The following SLCO5A1 variants were observed in gnomAD, a reference collection of about 807,000 sequenced individuals.
SLCO5A1 encodes solute carrier organic anion transporter family member 5A1, also known as organic anion transporter polypeptide-related protein 4.
SLCO5A1 carries 39 observed loss-of-function variants against 65.1 expected under a neutral mutation model. The ratio of observed to expected loss-of-function variants is 0.60; its 90% CI spans 0.46 to 0.78. The LOEUF (loss-of-function observed/expected upper bound fraction) is 0.78. Among genes scored for constraint, SLCO5A1 ranks in the 30% least tolerant of loss-of-function variants. The pLI is 0.00. For missense variants in SLCO5A1, 1,029 were observed against 1,069.4 expected, an observed-to-expected ratio of 0.96 and a Z score of 0.53; for synonymous variants, 438 against 415.7, an observed-to-expected ratio of 1.05 and a Z score of -0.65.
chr8:69,714,905 T>C (rs892639630), intron 5 of SLCO5A1: 14 of 152,194 alleles, frequency 9.2e-5, no homozygotes, highest in Non-Finnish European at 1.6e-4. Flanking sequence ...ATTCAAGGTC[T>C]GGGGATCACT....
intron 5 of SLCO5A1, among the ~76,000 whole-genome samples, chr8:69,712,925 A>G (rs1815339869): frequency 6.6e-6 from 1 of 152,216 alleles, no homozygotes; most frequent in Non-Finnish European, 1.5e-5. Context: ...CATTTTACAA[A>G]TAGATAATCT....
chr8:69,715,988 C>T (rs1815508750), intron 5 of SLCO5A1, among the ~76,000 whole-genome samples: 1 of 152,126 alleles, frequency 6.6e-6, no homozygotes, highest in South Asian at 2.1e-4. Flanking sequence ...CCCTCCCTTG[C>T]CCCGCACTGC....
chr8:69,723,262 T>C (rs542673336), intron 5 of SLCO5A1, among the ~76,000 whole-genome samples: 1 of 152,278 alleles, frequency 6.6e-6, no homozygotes, highest in African/African-American at 2.4e-5. Flanking sequence ...TTATTTTATT[T>C]ATTTTTTTAG....
At position 69,676,605 on chromosome 8, in the gene SLCO5A1, G is replaced by T. The variant is rs748994947; in HGVS notation, c.2089+4C>A. ...GAGGTACACTTGGAAATTCAGGGAC[G>T]TACCAAGTGTTCGCAACAAAACAAA... is the stretch of plus-strand genomic sequence containing the variant. On this transcript the variant is annotated splice_donor_region_variant and intron_variant, in intron 9 of 9. Transcript: ENST00000260126. 5 of 1,611,010 alleles carry T rather than the reference G, an allele frequency of 3.1e-6. No homozygotes were observed. In the Admixed American group the frequency reaches 6.7e-5, roughly 22 times the overall value.
chr8:69,684,673 A>G (rs1243794523), intron 6 of SLCO5A1, among the ~76,000 whole-genome samples: 1 of 152,142 alleles, frequency 6.6e-6, no homozygotes, highest in Non-Finnish European at 1.5e-5. Flanking sequence ...GCAATCCACA[A>G]GTGCTTCTCT....
At chr8:69,795,272 C>T (rs1252579261) in intron 2 of SLCO5A1, among the ~76,000 whole-genome samples, 1 of 152,174 alleles carries the variant, frequency 6.6e-6, no homozygotes, top group Non-Finnish European at 1.5e-5. Flanking sequence ...TTCAAAGTCT[C>T]ATCTGAGACA....
chr8:69,687,321 G>C (rs117687197), intron 6 of SLCO5A1, among the ~76,000 whole-genome samples: 1 of 152,086 alleles, frequency 6.6e-6, no homozygotes, highest in Non-Finnish European at 1.5e-5. Flanking sequence ...TCAACAAAGC[G>C]CAGTATGTCA....
intron 2 of SLCO5A1, among the ~76,000 whole-genome samples, chr8:69,816,693 C>T (rs531542118): frequency 1.3e-5 from 2 of 152,282 alleles, no homozygotes; most frequent in South Asian, 2.1e-4. Flanking sequence ...TTAATCTTAA[C>T]GTGCCTACTC....
At chr8:69,746,678 A>T (rs992173875) in intron 4 of SLCO5A1, among the ~76,000 whole-genome samples, 5 of 152,226 alleles carry the variant, frequency 3.3e-5, no homozygotes, top group African/African-American at 4.8e-5. Context: ...GGCAGAGGGA[A>T]CACCACGTGA....
At chr8:69,745,755 A>G (rs1420641780) in intron 4 of SLCO5A1, among the ~76,000 whole-genome samples, 1 of 152,242 alleles carries the variant, frequency 6.6e-6, no homozygotes, top group Admixed American at 6.5e-5. Flanking sequence ...AGAATATAAA[A>G]TTAACTATTT....
At chr8:69,804,116 G>A (rs1184192134) in intron 2 of SLCO5A1, among the ~76,000 whole-genome samples, 1 of 152,088 alleles carries the variant, frequency 6.6e-6, no homozygotes, top group East Asian at 1.9e-4. Flanking sequence ...GGGAGCAAGC[G>A]AGAGACCATG....
chr8:69,688,593 T>A (rs1372575764), intron 6 of SLCO5A1, among the ~76,000 whole-genome samples: 1 of 59,678 alleles, frequency 1.7e-5, no homozygotes, highest in Non-Finnish European at 3.6e-5. Flanking sequence ...GGTGTTTGGT[T>A]TTTTTGTCCT....
chr8:69,708,701 C>T (rs1421191231), intron 5 of SLCO5A1, among the ~76,000 whole-genome samples: 1 of 151,946 alleles, frequency 6.6e-6, no homozygotes, highest in East Asian at 1.9e-4. Context: ...GTCAGGAGTT[C>T]GAGACCAGCC....
chr8:69,826,371 AACCTACTC>A (rs1394865690), intron 2 of SLCO5A1, among the ~76,000 whole-genome samples: 1 of 151,960 alleles, frequency 6.6e-6, no homozygotes, highest in African/African-American at 2.4e-5. Context: ...AAATTTTCGC[AACCTACTC>A]ATCTGACAAA....
At chr8:69,681,536 T>G (rs1586676246) in intron 7 of SLCO5A1, among the ~76,000 whole-genome samples, 1 of 152,062 alleles carries the variant, frequency 6.6e-6, no homozygotes. Context: ...GAGGTTGAGG[T>G]GAGCCGAGAT....
At chr8:69,791,001 A>G (rs561041721) in intron 2 of SLCO5A1, among the ~76,000 whole-genome samples, 12 of 152,316 alleles carry the variant, frequency 7.9e-5, no homozygotes, top group African/African-American at 2.9e-4. Context: ...TTCCCTTCCA[A>G]TGTTACTTAC....
At chr8:69,792,636 G>T (rs1819320245) in intron 2 of SLCO5A1, among the ~76,000 whole-genome samples, 1 of 152,216 alleles carries the variant, frequency 6.6e-6, no homozygotes, top group South Asian at 2.1e-4. Flanking sequence ...AGGATCAGAA[G>T]TAGGCTGGGA....
intron 6 of SLCO5A1, among the ~76,000 whole-genome samples, chr8:69,694,051 C>G (rs539776690): frequency 6.6e-6 from 1 of 152,364 alleles, no homozygotes; most frequent in Non-Finnish European, 1.5e-5. Context: ...GCCTGTAACT[C>G]AGCTGCTTTG....
chr8:69,709,242 G>T (rs1308605290), intron 5 of SLCO5A1, among the ~76,000 whole-genome samples: 1 of 152,308 alleles, frequency 6.6e-6, no homozygotes, highest in South Asian at 2.1e-4. Flanking sequence ...AGGATGCAGA[G>T]AGGACTTAAA....
Sources: gnomAD v4.1 joint callset for allele counts (sites outside exome capture counted in the v4.1 genomes callset) on GRCh38, gnomAD v4.1.1 for gene constraint, MANE v1.5 for transcripts, NCBI Gene and HGNC (gene_info 2026-07-23, HGNC 2026-07-21) for gene names.